DNAH7: variants seen among roughly 807,000 people sequenced by gnomAD.
The protein encoded by DNAH7 is dynein axonemal heavy chain 7.
DNAH7 carries 397 observed loss-of-function variants against 444.6 expected under a neutral mutation model. The ratio of observed to expected loss-of-function variants is 0.89; its 90% CI spans 0.82 to 0.97. The LOEUF (loss-of-function observed/expected upper bound fraction) is 0.97, where lower values mean the gene tolerates loss of function less well. DNAH7 is among the 50% of genes least tolerant of loss of function. The probability of loss-of-function intolerance (pLI) is 0.00; values close to 1 mark genes in which losing one functional copy is unlikely to be tolerated. For missense variants in DNAH7, 4,902 were observed against 4,800.8 expected (o/e 1.02, Z -0.62); for synonymous variants, 1,636 against 1,624.4 (o/e 1.01, Z -0.17).
chr2:196,068,725 C>G lies in DNAH7; in HGVS notation c.-14G>C. The G allele has an allele frequency of 1.9e-6, 3 of 1,551,128 alleles. No homozygotes were observed. Among genetic ancestry groups the G allele is most frequent in the Non-Finnish European group, 2.6e-6 (3 of 1,147,320 alleles). On this transcript the variant is annotated 5_prime_UTR_variant, in exon 1 of 65. Coordinates refer to ENST00000312428, the MANE Select transcript of DNAH7 (RefSeq NM_018897.3). ...CTCACTGCTCATGGCTGCGAGGACG[C>G]GCTGGCCTCACCGGTGCTTCTGGGT...
chr2:195,884,789 C>A lies in DNAH7; in HGVS notation c.5559G>T (p.Leu1853Phe), dbSNP rs779223980. 1.2e-6 allele frequency: 2 copies of A among 1,612,270 alleles called. No individual in the cohort carries two copies. Among genetic ancestry groups the A allele is most frequent in the Non-Finnish European group, 1.7e-6 (2 of 1,179,396 alleles). ...TACAAGAAGCACCAACGGACCAGAT[C>A]AATGAAAACAGAAAAATGCCCTGCA... is the stretch of plus-strand genomic sequence containing the variant. ...SLLEGIFLFS[L>F]IWSVGASCTD... The change falls in exon 35 of 65, where the codon TTG (leucine) becomes TTT (phenylalanine). Residue 1853 changes from leucine (L) to phenylalanine (F), a missense_variant. Leu to Phe is a conservative substitution (Grantham distance 22). Coordinates refer to ENST00000312428, the MANE Select transcript of DNAH7 (RefSeq NM_018897.3).
At position 195,949,468 on chromosome 2, in the gene DNAH7, G is replaced by A. The variant is rs184024292; in HGVS notation, c.3078+7793C>T. Among the ~76,000 whole-genome samples, 12 of 152,234 alleles carry A rather than the reference G, an allele frequency of 7.9e-5. No homozygotes were observed. The East Asian group carries it at 2.3e-3, about 29-fold the overall frequency. On this transcript the variant is annotated intron_variant, in intron 19 of 64. Transcript: ENST00000312428. ...CTGGCTAATTTTCGTATTTTCAGTA[G>A]AGATGGAGTTTCACCTTGTTGGTCA...
At chr2:195,832,351 C>T (rs984273740) in intron 48 of DNAH7, among the ~76,000 whole-genome samples, 2 of 152,004 alleles carry the variant, frequency 1.3e-5, no homozygotes, top group Non-Finnish European at 2.9e-5. Context: ...TTGTCTTTTA[C>T]TATGTCAAGG....
intron 36 of DNAH7, among the ~76,000 whole-genome samples, chr2:195,880,328 T>C (rs948547084): frequency 6.8e-6 from 1 of 146,004 alleles, no homozygotes; most frequent in African/African-American, 2.6e-5. Flanking sequence ...TTCTTTCTTT[T>C]TCTTTTTTTT....
At position 196,059,206 on chromosome 2, in the gene DNAH7, T is replaced by C. The variant is rs145989402; in HGVS notation, c.16-1090A>G. Among the ~76,000 whole-genome samples, 160 of 152,272 alleles carry C rather than the reference T, an allele frequency of 1.1e-3. 2 individuals carry two copies. The highest frequency in any genetic ancestry group is 6.8e-3 in the Middle Eastern group (2 of 294). ...AATGGTCTACTTCCTAAGGTGAATA[T>C]GTATTCTGGTTTTTCCCCCCGCAAG... On this transcript the variant is annotated intron_variant, in intron 1 of 64. Transcript: ENST00000312428.
At chr2:195,946,090 A>C (rs1305542516) in intron 19 of DNAH7, among the ~76,000 whole-genome samples, 1 of 152,132 alleles carries the variant, frequency 6.6e-6, no homozygotes, top group Non-Finnish European at 1.5e-5. Flanking sequence ...AACAGGAAAA[A>C]AACTCTGGGA....
intron 46 of DNAH7, among the ~76,000 whole-genome samples, chr2:195,850,155 G>C (rs1057320707): frequency 1.3e-5 from 2 of 152,166 alleles, no homozygotes; most frequent in African/African-American, 4.8e-5. Flanking sequence ...ATGTCTATAA[G>C]GGTGTAATAT....
Position 196,024,817 on chromosome 2 carries a change from T to C in DNAH7, c.668-313A>G, listed in dbSNP as rs192469787. Among the ~76,000 whole-genome samples, 211 of 152,272 alleles carry C rather than the reference T, an allele frequency of 1.4e-3. 1 individual carries two copies. The highest frequency in any genetic ancestry group is 5.0e-3 in the African/African-American group (207 of 41,564). On this transcript the variant is annotated intron_variant, in intron 7 of 64. Coordinates refer to ENST00000312428, the MANE Select transcript of DNAH7 (RefSeq NM_018897.3). ...GCTATTCCATCAAAAATATTCTTGT[T>C]GAATTGAAGGTCAACAATACAGGAT...
At chr2:195,772,100 G>C (rs1380926057) in intron 60 of DNAH7, among the ~76,000 whole-genome samples, 1 of 152,160 alleles carries the variant, frequency 6.6e-6, no homozygotes, top group Non-Finnish European at 1.5e-5. Context: ...GAGGAATAAG[G>C]GCATGTAATG....
Position 195,936,661 on chromosome 2 carries a change from T to C in DNAH7, c.3210A>G (p.Arg1070=). 1.9e-6 allele frequency: 3 copies of C among 1,606,040 alleles called. No homozygotes were observed. Among genetic ancestry groups the C allele is most frequent in the African/African-American group, 1.3e-5 (1 of 74,662 alleles). ...YLEKKRLFFP[R]FFFLSNDELL... ...GTTCATCATTGGACAAAAAAAAGAA[T>C]CTGGGGAAAAAGAGGCGTTTCTTTT... is the stretch of plus-strand genomic sequence containing the variant. The change falls in exon 20 of 65, where the codon AGA becomes AGG. Residue 1070 remains arginine, a synonymous_variant. Coordinates refer to ENST00000312428, the MANE Select transcript of DNAH7 (RefSeq NM_018897.3).
At chr2:196,059,792 G>A (rs184054274) in intron 1 of DNAH7, among the ~76,000 whole-genome samples, 1 of 152,296 alleles carries the variant, frequency 6.6e-6, no homozygotes, top group African/African-American at 2.4e-5. Context: ...CTCAGCAAAT[G>A]TTTGTCCACC....
chr2:195,739,751 A>G (rs1384873455), intron 64 of DNAH7, among the ~76,000 whole-genome samples: 7 of 152,176 alleles, frequency 4.6e-5, no homozygotes, highest in Non-Finnish European at 1.0e-4. Flanking sequence ...AATTGGCAGC[A>G]TTGTCACGCT....
At chr2:195,936,541 TAA>T in intron 20 of DNAH7, 56 bp downstream of exon 20, 1 of 1,251,918 alleles carries the variant, frequency 8.0e-7, no homozygotes, top group Non-Finnish European at 1.1e-6. Flanking sequence ...TACTTTGTTC[TAA>T]AAATTAAGTT....
At chr2:195,847,982 A>G (rs1357533226) in intron 46 of DNAH7, among the ~76,000 whole-genome samples, 1 of 152,204 alleles carries the variant, frequency 6.6e-6, no homozygotes, top group Non-Finnish European at 1.5e-5. Flanking sequence ...GTCAGTATCC[A>G]AGTTGAGTTT....
At position 195,886,222 on chromosome 2, in the gene DNAH7, T is replaced by G. The variant is rs763355791; in HGVS notation, c.5457A>C (p.Leu1819=). 1 of 1,613,896 alleles carries G rather than the reference T, an allele frequency of 6.2e-7. No individual in the cohort carries two copies. The highest frequency in any genetic ancestry group is 1.7e-5 in the Admixed American group (1 of 59,990). ...CAAAATCATCCATAAAACAGTCTAT[T>G]AGATTCATTAAGGACCGGACCAAGT... is the stretch of plus-strand genomic sequence containing the variant. ...DTNLVRSLMN[L]IDCFMDDFAD... Residue 1819 remains leucine, a synonymous_variant, in exon 34 of 65, where the codon CTA becomes CTC. Transcript: ENST00000312428.
At chr2:195,927,272 G>A (rs914806217) in intron 21 of DNAH7, among the ~76,000 whole-genome samples, 1 of 152,156 alleles carries the variant, frequency 6.6e-6, no homozygotes, top group Admixed American at 6.6e-5. Context: ...AGTGATGTCT[G>A]TGAGGTGGTA....
chr2:195,915,804 G>A (rs181325263), intron 24 of DNAH7, among the ~76,000 whole-genome samples: 1 of 152,076 alleles, frequency 6.6e-6, no homozygotes, highest in Non-Finnish European at 1.5e-5. Flanking sequence ...AAGCATGCAT[G>A]CTTAGCTTCA....
intron 17 of DNAH7, 148 bp downstream of exon 17, chr2:195,969,800 T>C (rs1399180934): frequency 2.6e-5 from 21 of 808,146 alleles, no homozygotes; most frequent in East Asian, 2.0e-4. Flanking sequence ...AGCATGTCTA[T>C]AAAATCTATT....
At chr2:195,976,529 A>G (rs1267940659) in intron 15 of DNAH7, among the ~76,000 whole-genome samples, 2 of 152,162 alleles carry the variant, frequency 1.3e-5, no homozygotes, top group Non-Finnish European at 2.9e-5. Flanking sequence ...ACATGCCTGG[A>G]TGGCTTCACC....
Sources: gnomAD v4.1 joint callset for allele counts (sites outside exome capture counted in the v4.1 genomes callset) on GRCh38, gnomAD v4.1.1 for gene constraint, MANE v1.5 for transcripts, NCBI Gene and HGNC (gene_info 2026-07-23, HGNC 2026-07-21) for gene names.